The following ARHGAP25 variants were observed in gnomAD, a reference collection of about 807,000 sequenced individuals.
ARHGAP25 encodes rho GTPase-activating protein 25.
ARHGAP25 carries 34 observed loss-of-function variants against 71.0 expected under a neutral mutation model. That is an observed-to-expected ratio of 0.48 (90% CI 0.36 to 0.64). The LOEUF (loss-of-function observed/expected upper bound fraction) is 0.64. Among genes scored for constraint, ARHGAP25 ranks in the 30% least tolerant of loss-of-function variants. The probability of loss-of-function intolerance (pLI) is 0.00; values close to 1 mark genes in which losing one functional copy is unlikely to be tolerated. For missense variants in ARHGAP25, 706 were observed against 805.1 expected, an observed-to-expected ratio of 0.88 and a Z score of 1.49; for synonymous variants, 282 against 296.5, an observed-to-expected ratio of 0.95 and a Z score of 0.50.
chr2:68,775,141 G>T lies in ARHGAP25; in HGVS notation c.62-80G>T, dbSNP rs563488998. On this transcript the variant is annotated intron_variant, in intron 1 of 10. Coordinates refer to ENST00000409202, the MANE Select transcript of ARHGAP25 (RefSeq NM_001007231.3). ...CCCCCGCTTCTCAGCCCCCTCTGGG[G>T]TTCCTCTCTCCTCTCCGCCCACTCT... The T allele has an allele frequency of 5.6e-6, 9 of 1,610,830 alleles. No individual in the cohort carries two copies. The East Asian group carries it at 2.0e-4, about 36-fold the overall frequency.
intron 2 of ARHGAP25, among the ~76,000 whole-genome samples, chr2:68,779,616 A>G (rs995877091): frequency 1.3e-5 from 2 of 152,320 alleles, no homozygotes; most frequent in South Asian, 4.2e-4. Flanking sequence ...TAGCTAGAGA[A>G]TTCTAGATAT....
At chr2:68,786,157 A>G (rs1678747588) in intron 3 of ARHGAP25, among the ~76,000 whole-genome samples, 1 of 152,192 alleles carries the variant, frequency 6.6e-6, no homozygotes, top group Admixed American at 6.5e-5. Context: ...AGTCCTCTTC[A>G]TTCAGGAACA....
chr2:68,775,021 C>G lies in ARHGAP25; in HGVS notation c.62-200C>G, dbSNP rs1677770755. ...GCCTGGGTTTTATTCTTGGCCTGGC[C>G]CTGACCGGGAGCTGGCCCCTCGGCT... On this transcript the variant is annotated intron_variant, in intron 1 of 10. Coordinates refer to ENST00000409202, the MANE Select transcript of ARHGAP25 (RefSeq NM_001007231.3). The G allele has an allele frequency of 2.7e-6, 4 of 1,489,602 alleles. No homozygotes were observed. The African/African-American group carries it at 4.2e-5, about 16-fold the overall frequency. The allele number at this position is 1,489,602 out of a possible 1,614,324, so 92.3% of individuals were successfully genotyped here.
In ARHGAP25 at chr2:68,811,237, T is replaced by A. The variant is rs377543550; in HGVS notation, c.675-2050T>A. ...TCAGTGTGACTTTAGGATAATAGAA[T>A]TGAAGGGATTTGGAAGACTGATTGG... On this transcript the variant is annotated intron_variant, in intron 5 of 10. Coordinates refer to ENST00000409202, the MANE Select transcript of ARHGAP25 (RefSeq NM_001007231.3). 7.2e-5 allele frequency among the ~76,000 whole-genome samples: 11 copies of A among 152,140 alleles called. No homozygotes were observed. The East Asian group carries it at 1.4e-3, about 19-fold the overall frequency.
intron 4 of ARHGAP25, among the ~76,000 whole-genome samples, chr2:68,804,189 A>G (rs1046444455): frequency 1.2e-4 from 19 of 152,306 alleles, no homozygotes; most frequent in Admixed American, 1.2e-3. Flanking sequence ...TTGGCCCCAA[A>G]TCATCTGCAA....
At chr2:68,776,004 T>C (rs1334189156) in intron 2 of ARHGAP25, among the ~76,000 whole-genome samples, 2 of 152,124 alleles carry the variant, frequency 1.3e-5, no homozygotes, top group African/African-American at 4.8e-5. Context: ...AGATGTAATT[T>C]TAAAAAGGAT....
intron 5 of ARHGAP25, among the ~76,000 whole-genome samples, chr2:68,810,862 C>A (rs1175224310): frequency 5.3e-5 from 8 of 151,916 alleles, no homozygotes; most frequent in African/African-American, 1.9e-4. Context: ...CTGCCTCAGC[C>A]TCCTGAGTAG....
upstream of ARHGAP25, among the ~76,000 whole-genome samples, chr2:68,734,653 C>T (rs1371941875): frequency 1.3e-5 from 2 of 152,114 alleles, no homozygotes; most frequent in Non-Finnish European, 2.9e-5. Context: ...ACAGAAGCAA[C>T]CATTCTGGTT....
At chr2:68,755,233 G>A (rs1341089041) in intron 1 of ARHGAP25, among the ~76,000 whole-genome samples, 1 of 151,932 alleles carries the variant, frequency 6.6e-6, no homozygotes, top group Non-Finnish European at 1.5e-5. Flanking sequence ...CTGCCCACAT[G>A]AACACACCCA....
At chr2:68,783,662 C>T (rs760146174) in intron 3 of ARHGAP25, among the ~76,000 whole-genome samples, 4 of 152,034 alleles carry the variant, frequency 2.6e-5, no homozygotes, top group Non-Finnish European at 5.9e-5. Flanking sequence ...CAGGGTTTCA[C>T]ATGTTGGCCG....
chr2:68,745,188 C>T (rs888583865), intron 1 of ARHGAP25, among the ~76,000 whole-genome samples: 3 of 152,100 alleles, frequency 2.0e-5, no homozygotes, highest in Non-Finnish European at 4.4e-5. Context: ...AAAATGGGGC[C>T]GGTAGTTCCA....
At chr2:68,794,663 G>C (rs1356254796) in intron 4 of ARHGAP25, among the ~76,000 whole-genome samples, 1 of 152,008 alleles carries the variant, frequency 6.6e-6, no homozygotes, top group Non-Finnish European at 1.5e-5. Flanking sequence ...TGTTGGATTT[G>C]GTTTGTTAGT....
At chr2:68,816,161 G>A (rs1681215462) in intron 6 of ARHGAP25, 128 bp from the exon 7 acceptor site, 2 of 804,028 alleles carry the variant, frequency 2.5e-6, no homozygotes, top group African/African-American at 1.7e-5. Flanking sequence ...CAGAACTACA[G>A]GAACAGGAAT....
At chr2:68,766,992 T>C (rs1180195505) in intron 1 of ARHGAP25, among the ~76,000 whole-genome samples, 2 of 152,170 alleles carry the variant, frequency 1.3e-5, no homozygotes, top group African/African-American at 4.8e-5. Context: ...CTAGAATCCA[T>C]AGAACATGGG....
intron 1 of ARHGAP25, among the ~76,000 whole-genome samples, chr2:68,773,138 C>A (rs1033416809): frequency 6.6e-6 from 1 of 152,144 alleles, no homozygotes; most frequent in Non-Finnish European, 1.5e-5. Context: ...ACAGTGGAGT[C>A]CTCTTCAGAC....
At chr2:68,784,498 T>C (rs1300071335) in intron 3 of ARHGAP25, among the ~76,000 whole-genome samples, 1 of 138,364 alleles carries the variant, frequency 7.2e-6, no homozygotes, top group Admixed American at 7.8e-5. Context: ...GGCATGCTAG[T>C]TTTTTTTTTA....
intron 1 of ARHGAP25, among the ~76,000 whole-genome samples, chr2:68,752,633 C>A (rs1404137508): frequency 6.6e-6 from 1 of 152,160 alleles, no homozygotes; most frequent in Non-Finnish European, 1.5e-5. Context: ...TATTTCATTT[C>A]TCCTCAGTCT....
rs59936405 is a variant in ARHGAP25 at position 68,799,427 on chromosome 2, T to A, written c.467-7846T>A. On this transcript the variant is annotated intron_variant, in intron 4 of 10. Transcript: ENST00000409202. ...TCTACCCAACAAACTGCCTTCAAGA[T>A]CATTATCTCTGAAGGCCCCCATGGA... Among the ~76,000 whole-genome samples, 1,081 of 152,226 alleles carry A rather than the reference T, an allele frequency of 7.1e-3. 13 individuals are homozygous for A. Among genetic ancestry groups the A allele is most frequent in the African/African-American group, 0.024 (1,009 of 41,532 alleles).
chr2:68,775,127 C>T, intron 1 of ARHGAP25, 94 bp from the exon 2 acceptor site: 1 of 1,604,832 alleles, frequency 6.2e-7, no homozygotes, highest in East Asian at 2.2e-5. Context: ...CCCCGCTTCT[C>T]AGCCCCCTCT....
Sources: gnomAD v4.1 joint callset for allele counts (sites outside exome capture counted in the v4.1 genomes callset) on GRCh38, gnomAD v4.1.1 for gene constraint, MANE v1.5 for transcripts, NCBI Gene and HGNC (gene_info 2026-07-23, HGNC 2026-07-21) for gene names.